The following GNG7 variants were observed in gnomAD, a reference collection of about 807,000 sequenced individuals.
GNG7 encodes the protein guanine nucleotide-binding protein G(I)/G(S)/G(O) subunit gamma-7.
GNG7 carries 1 observed loss-of-function variant against 4.0 expected under a neutral mutation model. The observed-to-expected ratio is 0.25, with a 90% CI of 0.09 to 1.18. GNG7 has a LOEUF of 1.18. GNG7 is among the 50% of genes most tolerant of loss of function. GNG7 has a pLI of 0.50. For missense variants in GNG7, 86 were observed against 91.9 expected, an observed-to-expected ratio of 0.94 and a Z score of 0.26; for synonymous variants, 34 against 36.9, an observed-to-expected ratio of 0.92 and a Z score of 0.29.
intron 2 of GNG7, chr19:2,632,528 C>T (rs1445761425): frequency 1.3e-5 from 2 of 150,098 alleles, no homozygotes; most frequent in African/African-American, 4.9e-5. Flanking sequence ...AGAAAACAGA[C>T]TGGGAATTGT....
At chr19:2,550,535 C>T (rs1347101699) in intron 3 of GNG7, among the ~76,000 whole-genome samples, 1 of 152,154 alleles carries the variant, frequency 6.6e-6, no homozygotes, top group Non-Finnish European at 1.5e-5. Flanking sequence ...GCCACCTCTG[C>T]TCACCTCCTC....
At chr19:2,571,840 C>T (rs1009192924) in intron 2 of GNG7, among the ~76,000 whole-genome samples, 20 of 152,014 alleles carry the variant, frequency 1.3e-4, no homozygotes, top group Middle Eastern at 3.4e-3. Context: ...AGGTGATCTG[C>T]CCACCTTGGC....
At chr19:2,642,666 A>C in intron 2 of GNG7, 1 of 393,994 alleles carries the variant, frequency 2.5e-6, no homozygotes, top group South Asian at 1.9e-5. Flanking sequence ...ATACCTGTCT[A>C]ATTTTCTGTA....
chr19:2,528,571 T>C (rs1004364497), intron 3 of GNG7, among the ~76,000 whole-genome samples: 3 of 151,144 alleles, frequency 2.0e-5, no homozygotes, highest in Non-Finnish European at 2.9e-5. Context: ...CATCCCAGAA[T>C]GCTTTGTGAC....
chr19:2,595,603 C>A (rs1300048158), intron 2 of GNG7, among the ~76,000 whole-genome samples: 2 of 151,464 alleles, frequency 1.3e-5, no homozygotes, highest in Non-Finnish European at 2.9e-5. Context: ...GGCGTGGTGG[C>A]GGGTGCCTGT....
At position 2,585,753 on chromosome 19, in the gene GNG7, T is replaced by G. The variant is rs569985154; in HGVS notation, c.-77-30565A>C. ...GCTTGCCCTGTTTCCCAGGCTGGAG[T>G]GCAGTGGCGCGATCTCGGCTCACTG... On this transcript the variant is annotated intron_variant, in intron 2 of 4. Transcript: ENST00000382159. Among the ~76,000 whole-genome samples, 566 of 152,262 alleles carry G rather than the reference T, an allele frequency of 3.7e-3. 5 individuals are homozygous for G. The highest frequency in any genetic ancestry group is 0.013 in the African/African-American group (540 of 41,566).
chr19:2,513,059 G>C lies in GNG7; in HGVS notation c.*1963C>G. On this transcript the variant is annotated 3_prime_UTR_variant, in exon 5 of 5. Transcript: ENST00000382159. ...GACCTGCCGTAGAGAGCTGGGTGCC[G>C]GGGGTGGGGAGCCCGGCTGTGGCCT... The C allele has an allele frequency of 1.6e-5, 16 of 985,572 alleles. No homozygotes were observed. Among genetic ancestry groups the C allele is most frequent in the Non-Finnish European group, 1.9e-5 (16 of 830,058 alleles). The allele number at this position is 985,572 out of a possible 1,614,324, so 61.1% of individuals were successfully genotyped here. A position where few individuals can be genotyped will look rare whatever the true frequency, so the allele number is the denominator to read the frequency against.
chr19:2,543,829 G>A (rs562366889), intron 3 of GNG7, among the ~76,000 whole-genome samples: 1 of 152,080 alleles, frequency 6.6e-6, no homozygotes, highest in Non-Finnish European at 1.5e-5. Context: ...AGTCAGCCCC[G>A]GGGGAAGGTG....
chr19:2,576,247 C>T (rs117527392), intron 2 of GNG7, among the ~76,000 whole-genome samples: 94 of 152,368 alleles, frequency 6.2e-4, no homozygotes, highest in East Asian at 4.4e-3. Context: ...GACGTGCAGG[C>T]GTGCAGCCCG....
chr19:2,514,817 A>G lies in GNG7; in HGVS notation c.*205T>C, dbSNP rs1443439127. ...CGGACCTGAAAATTCATCTCCACCTACAAGGTCCATTCTACCCCATCCGGG... is the reference window on the plus strand; with the variant it reads ...CGGACCTGAAAATTCATCTCCACCTGCAAGGTCCATTCTACCCCATCCGGG... On this transcript the variant is annotated 3_prime_UTR_variant, in exon 5 of 5. Transcript: ENST00000382159. The G allele has an allele frequency of 1.2e-5, 6 of 487,738 alleles. No individual in the cohort carries two copies. Among genetic ancestry groups the G allele is most frequent in the Admixed American group, 6.9e-5 (2 of 28,874 alleles). 30.2% of individuals were successfully genotyped at this position (487,738 alleles called of 1,614,324 possible).
At chr19:2,592,578 T>A (rs965574427) in intron 2 of GNG7, among the ~76,000 whole-genome samples, 8 of 151,392 alleles carry the variant, frequency 5.3e-5, no homozygotes, top group Non-Finnish European at 1.0e-4. Context: ...CTAGAAAAAA[T>A]TTTTAAAAAG....
rs1981752152 is a variant in GNG7, at chr19:2,617,463, T to C, written c.-78+28761A>G. On this transcript the variant is annotated intron_variant, in intron 2 of 4. Coordinates refer to ENST00000382159, the MANE Select transcript of GNG7 (RefSeq NM_052847.3). This position sits in a 1 kb window ranked among gnomAD's most constrained non-coding sequence, Gnocchi z 4.7. The stretch of plus-strand genomic sequence containing the variant: ...ACCTCAGACCAAGGACATTCTGCCA[T>C]GATGCTTCAGACTGTTCTTCTCCCC... 6.6e-6 allele frequency among the ~76,000 whole-genome samples: 1 copy of C among 152,132 alleles called. No individual in the cohort carries two copies. The highest frequency in any genetic ancestry group is 1.5e-5 in the Non-Finnish European group (1 of 68,000).
intron 1 of GNG7, among the ~76,000 whole-genome samples, chr19:2,683,989 G>T (rs545005878): frequency 3.3e-5 from 5 of 152,146 alleles, no homozygotes; most frequent in Non-Finnish European, 5.9e-5. Context: ...AAATCCCACC[G>T]GGCACAGAAG....
Position 2,521,716 on chromosome 19 carries a change from C to T in GNG7, c.-37-991G>A, listed in dbSNP as rs187221925. Among the ~76,000 whole-genome samples the T allele has an allele frequency of 5.8e-3, 850 of 145,668 alleles. 7 individuals are homozygous for T. The highest frequency in any genetic ancestry group is 0.02 in the African/African-American group (794 of 39,388). ...GCAACCTCTGCCTCCCGGGTTCAAG[C>T]GATTCTCCTGCCTCAGCCTCCCGAG... On this transcript the variant is annotated intron_variant, in intron 3 of 4. Transcript: ENST00000382159.
chr19:2,588,728 T>C (rs1439084585), intron 2 of GNG7, among the ~76,000 whole-genome samples: 2 of 152,114 alleles, frequency 1.3e-5, no homozygotes, highest in Non-Finnish European at 2.9e-5. Context: ...CTGGTTGGAG[T>C]GGCTCCAAGT....
rs529464123 is a variant in GNG7, at chr19:2,615,750, A to C, written c.-78+30474T>G. ...AGTGCTGGGATTACAGGCATGAGCCACCACGCCTGGCCCATCTGTGAGATT... is the reference window on the plus strand; with the variant it reads ...AGTGCTGGGATTACAGGCATGAGCCCCCACGCCTGGCCCATCTGTGAGATT... On this transcript the variant is annotated intron_variant, in intron 2 of 4. Coordinates refer to ENST00000382159, the MANE Select transcript of GNG7 (RefSeq NM_052847.3). Among the ~76,000 whole-genome samples, 322 of 152,226 alleles carry C rather than the reference A, an allele frequency of 2.1e-3. 2 individuals carry two copies. The highest frequency in any genetic ancestry group is 7.2e-3 in the African/African-American group (299 of 41,538).
At chr19:2,603,878 T>A (rs911438547) in intron 2 of GNG7, among the ~76,000 whole-genome samples, 75 of 151,504 alleles carry the variant, frequency 5.0e-4, no homozygotes, top group Non-Finnish European at 9.6e-4. Context: ...TGAGACAGAG[T>A]CTCGCTCTGT....
intron 2 of GNG7, among the ~76,000 whole-genome samples, chr19:2,555,836 C>T (rs1003779571): frequency 6.6e-6 from 1 of 152,148 alleles, no homozygotes; most frequent in African/African-American, 2.4e-5. Context: ...GAACGGAATC[C>T]TCTGTTCCAA....
intron 3 of GNG7, among the ~76,000 whole-genome samples, chr19:2,532,982 A>T (rs1380054307): frequency 6.6e-6 from 1 of 152,148 alleles, no homozygotes; most frequent in Non-Finnish European, 1.5e-5. Flanking sequence ...TCTCCATAAA[A>T]GGACTTGTAC....
Sources: allele counts gnomAD v4.1 joint callset (sites outside exome capture counted in the v4.1 genomes callset), GRCh38; gene constraint gnomAD v4.1.1; non-coding constraint Gnocchi (gnomAD v3.1); transcripts MANE v1.5; gene names NCBI Gene and HGNC (gene_info 2026-07-23, HGNC 2026-07-21).